Variants in DPY19L2 observed in about 807,000 individuals in gnomAD.
DPY19L2 encodes the protein dpy-19 like 2.
Under a neutral mutation model 97.9 loss-of-function variants are expected in DPY19L2, and 34 were observed. The observed-to-expected ratio is 0.35, with a 90% CI of 0.26 to 0.46. The LOEUF is 0.46. Ranked by LOEUF, DPY19L2 falls within the 20% of genes least tolerant of loss-of-function variation. The probability of loss-of-function intolerance (pLI) is 1.00; values close to 1 mark genes in which losing one functional copy is unlikely to be tolerated. For synonymous variants in DPY19L2, 230 were observed against 307.9 expected (o/e 0.75, Z 2.65); for missense variants, 623 against 911.4 (o/e 0.68, Z 4.07).
At chr12:63,605,491 T>C (rs1488540896) in intron 12 of DPY19L2, among the ~76,000 whole-genome samples, 3 of 152,162 alleles carry the variant, frequency 2.0e-5, no homozygotes, top group African/African-American at 7.2e-5. Context: ...TAGGCTGGGA[T>C]TGGAGCTATA....
At chr12:63,633,129 C>T (rs1456276725) in intron 6 of DPY19L2, among the ~76,000 whole-genome samples, 4 of 152,130 alleles carry the variant, frequency 2.6e-5, no homozygotes, top group Non-Finnish European at 4.4e-5. Flanking sequence ...AAAACCTAGG[C>T]ATTACCATTC....
chr12:63,564,523 C>T (rs1877261918), intron 21 of DPY19L2, among the ~76,000 whole-genome samples: 1 of 152,094 alleles, frequency 6.6e-6, no homozygotes, highest in Non-Finnish European at 1.5e-5. Flanking sequence ...AGTTTCTAAA[C>T]ATTTGAGGGA....
intron 19 of DPY19L2, among the ~76,000 whole-genome samples, chr12:63,574,080 C>T (rs186178835): frequency 7.7e-4 from 116 of 151,448 alleles, no homozygotes; most frequent in African/African-American, 2.6e-3. Context: ...AGTAGAAAGA[C>T]GAAAAGATGA....
chr12:63,637,454 T>C (rs1394615994), intron 6 of DPY19L2, among the ~76,000 whole-genome samples: 1 of 151,964 alleles, frequency 6.6e-6, no homozygotes, highest in East Asian at 1.9e-4. Context: ...ACAAAATTGA[T>C]AGACCGCTAG....
chr12:63,587,963 A>G (rs978930391), intron 16 of DPY19L2, among the ~76,000 whole-genome samples: 2 of 152,194 alleles, frequency 1.3e-5, no homozygotes, highest in Admixed American at 6.5e-5. Flanking sequence ...AATCAACATT[A>G]ATGGTAATGC....
chr12:63,627,706 T>C (rs1036535211), intron 6 of DPY19L2, among the ~76,000 whole-genome samples: 9 of 152,190 alleles, frequency 5.9e-5, no homozygotes, highest in Non-Finnish European at 1.3e-4. Flanking sequence ...AGAATGCAGA[T>C]GCTCAATCCC....
intron 6 of DPY19L2, among the ~76,000 whole-genome samples, chr12:63,643,019 T>C (rs1892914395): frequency 6.6e-6 from 1 of 151,914 alleles, no homozygotes; most frequent in South Asian, 2.1e-4. Flanking sequence ...CTTTTAATGC[T>C]ATTCCAAATA....
chr12:63,579,776 C>T (rs566086917), intron 19 of DPY19L2, among the ~76,000 whole-genome samples: 6 of 152,074 alleles, frequency 3.9e-5, no homozygotes, highest in Non-Finnish European at 8.8e-5. Flanking sequence ...CTGTCACCTA[C>T]ACCCTTTGAA....
At position 63,579,698 on chromosome 12, in the gene DPY19L2, G is replaced by A. The variant is rs1186286494; in HGVS notation, c.1900+964C>T. On this transcript the variant is annotated intron_variant, in intron 19 of 21. Transcript: ENST00000324472. Reference sequence around the variant, plus strand: ...GGGAGTGATTACCTTGAGCTCCTATGTGGAAAAAGTCAGTTGGGGATTACT... The same window carrying A: ...GGGAGTGATTACCTTGAGCTCCTATATGGAAAAAGTCAGTTGGGGATTACT... 3.9e-5 allele frequency among the ~76,000 whole-genome samples: 6 copies of A among 152,104 alleles called. No homozygotes were observed. The East Asian group carries it at 1.2e-3, about 29-fold the overall frequency.
intron 4 of DPY19L2, among the ~76,000 whole-genome samples, chr12:63,652,675 G>T (rs368054292): frequency 6.6e-6 from 1 of 152,126 alleles, no homozygotes; most frequent in Non-Finnish European, 1.5e-5. Context: ...ATGCAGGAAC[G>T]GAAAACTAAA....
intron 9 of DPY19L2, among the ~76,000 whole-genome samples, chr12:63,620,904 T>C (rs921581820): frequency 6.6e-6 from 1 of 152,056 alleles, no homozygotes; most frequent in African/African-American, 2.4e-5. Flanking sequence ...TCAGGTCCTT[T>C]GCAGGGACAT....
chr12:63,596,827 T>A (rs1355074152), intron 14 of DPY19L2, among the ~76,000 whole-genome samples: 1 of 152,200 alleles, frequency 6.6e-6, no homozygotes, highest in East Asian at 1.9e-4. Flanking sequence ...CTAGAATCCA[T>A]TAGAATCCAC....
intron 16 of DPY19L2, among the ~76,000 whole-genome samples, chr12:63,593,208 CA>C (rs1384252695): frequency 6.6e-6 from 1 of 152,156 alleles, no homozygotes; most frequent in Admixed American, 6.5e-5. Context: ...TAAACTAGTT[CA>C]ACCCTTGTGG....
At chr12:63,617,501 T>A in intron 10 of DPY19L2, 111 bp from the exon 11 acceptor site, 1 of 659,186 alleles carries the variant, frequency 1.5e-6, no homozygotes, top group African/African-American at 1.9e-5. Context: ...TAAAGATGAA[T>A]GACTCTTGGC....
intron 6 of DPY19L2, 69 bp downstream of exon 6, chr12:63,644,334 T>G (rs1893103190): frequency 6.5e-7 from 1 of 1,534,196 alleles, no homozygotes; most frequent in African/African-American, 1.4e-5. Context: ...TCCTTTTCAT[T>G]TAATCAACAA....
rs750045100 is a variant in DPY19L2 at position 63,570,774 on chromosome 12, C to T, written c.1984G>A (p.Glu662Lys). 6.9e-6 allele frequency: 11 copies of T among 1,604,802 alleles called. No homozygotes were observed. The highest frequency in any genetic ancestry group is 2.2e-5 in the South Asian group (2 of 90,762). The change falls in exon 20 of 22, where the codon GAA (glutamate) becomes AAA (lysine). Residue 662 changes from glutamate to lysine, a missense_variant. Physicochemically the swap from Glu to Lys is moderately conservative, Grantham distance 56. Transcript: ENST00000324472. ...GCTGCCAACCTCAAGTCTGCATCTT[C>T]GTAATGTGGATGATTCACAATGGGA... Reference protein sequence around the residue: ...LHPIVNHPHYEDADLRARTKI... With the variant: ...LHPIVNHPHYKDADLRARTKI...
chr12:63,618,561 C>A (rs1331676773), intron 9 of DPY19L2, among the ~76,000 whole-genome samples: 2 of 152,092 alleles, frequency 1.3e-5, no homozygotes, highest in Admixed American at 6.6e-5. Context: ...CAGATGCCTT[C>A]CAGCTGAGAG....
chr12:63,594,636 A>T (rs1351356369), intron 15 of DPY19L2, among the ~76,000 whole-genome samples: 2 of 131,924 alleles, frequency 1.5e-5, no homozygotes, highest in Non-Finnish European at 3.1e-5. Flanking sequence ...GGCTGCAGGG[A>T]CGTGTGTGTG....
chr12:63,587,579 A>G (rs1592450502), intron 16 of DPY19L2, among the ~76,000 whole-genome samples: 2 of 147,010 alleles, frequency 1.4e-5, no homozygotes, highest in Admixed American at 1.4e-4. Flanking sequence ...TATTATTATT[A>G]TTATTATTAT....
Sources: gnomAD v4.1 joint callset for allele counts (sites outside exome capture counted in the v4.1 genomes callset) on GRCh38, gnomAD v4.1.1 for gene constraint, MANE v1.5 for transcripts, NCBI Gene and HGNC (gene_info 2026-07-23, HGNC 2026-07-21) for gene names.